Variants in GSDME observed in about 807,000 individuals in gnomAD.
GSDME encodes the protein gasdermin-E.
Under a neutral mutation model 47.5 loss-of-function variants are expected in GSDME, and 44 were observed. That is an observed-to-expected ratio of 0.93 (90% CI 0.73 to 1.19). The LOEUF (loss-of-function observed/expected upper bound fraction) is 1.19. GSDME is among the 50% of genes most tolerant of loss of function. GSDME has a pLI of 0.00. For synonymous variants in GSDME, 258 were observed against 252.8 expected (o/e 1.02, Z -0.20); for missense variants, 663 against 604.2 (o/e 1.10, Z -1.02).
At chr7:24,715,533 C>G (rs755357377) in intron 5 of GSDME, 1 of 470,320 alleles carries the variant, frequency 2.1e-6, no homozygotes, top group South Asian at 1.6e-5. Flanking sequence ...CACTGGCCAT[C>G]AGTAAGACTG....
intron 7 of GSDME, among the ~76,000 whole-genome samples, chr7:24,707,079 C>T (rs1400275596): frequency 1.3e-5 from 2 of 152,320 alleles, no homozygotes; most frequent in Middle Eastern, 3.4e-3. Flanking sequence ...AGCTCCCCAC[C>T]CTCTAGAATG....
In GSDME at chr7:24,739,752, A is replaced by T. The variant is rs1160121950; in HGVS notation, c.404+4810T>A. ...CTAATCCTCAATAGATGAATAAAGA[A>T]AATGTGGTAAATATACACGATAGAG... On this transcript the variant is annotated intron_variant, in intron 3 of 9. Coordinates refer to ENST00000645220, the MANE Select transcript of GSDME (RefSeq NM_001127453.2). The surrounding 1 kb of genome is among the most constrained non-coding windows in gnomAD (Gnocchi z 5.1). Among the ~76,000 whole-genome samples, 1 of 152,166 alleles carries T rather than the reference A, an allele frequency of 6.6e-6. No homozygotes were observed. Among genetic ancestry groups the T allele is most frequent in the East Asian group, 1.9e-4 (1 of 5,196 alleles).
At position 24,714,610 on chromosome 7, in the gene GSDME, AGAG is replaced by A. The variant is rs1789477025; in HGVS notation, c.697+2641_697+2643del. 6.6e-6 allele frequency among the ~76,000 whole-genome samples: 1 copy of A among 152,186 alleles called. No individual in the cohort carries two copies. On this transcript the variant is annotated intron_variant, in intron 5 of 9. Transcript: ENST00000645220. The surrounding 1 kb of genome is among the most constrained non-coding windows in gnomAD (Gnocchi z 5.0). ...AGGGTACCTCTTCTCAGCAGCACAAAGAGGAGTTTATTTTCAAAGACAGTGGAA... is the reference window on the plus strand; with the variant it reads ...AGGGTACCTCTTCTCAGCAGCACAAAGAGTTTATTTTCAAAGACAGTGGAA...
chr7:24,735,729 G>T lies in GSDME; in HGVS notation c.404+8833C>A, dbSNP rs948996259. On this transcript the variant is annotated intron_variant, in intron 3 of 9. Coordinates refer to ENST00000645220, the MANE Select transcript of GSDME (RefSeq NM_001127453.2). The surrounding 1 kb of genome is among the most constrained non-coding windows in gnomAD (Gnocchi z 4.4). ...GCCGAGATTGCACCACTGCACTCCA[G>T]CCTGGGTGACAACAGCAAAACTCTA... 6.6e-6 allele frequency among the ~76,000 whole-genome samples: 1 copy of T among 151,648 alleles called. No individual in the cohort carries two copies. Among genetic ancestry groups the T allele is most frequent in the African/African-American group, 2.4e-5 (1 of 41,220 alleles).
Position 24,698,633 on chromosome 7 carries a change from C to G in GSDME, c.*393G>C. On this transcript the variant is annotated 3_prime_UTR_variant, in exon 10 of 10. Coordinates refer to ENST00000645220, the MANE Select transcript of GSDME (RefSeq NM_001127453.2). ...TCTTGTGTGCAGAGAAATTGCCTTC[C>G]CACAGCATTCACAATGTAAAAAGAC... 3 of 294,808 alleles carry G rather than the reference C, an allele frequency of 1.0e-5. No individual in the cohort carries two copies. The highest frequency in any genetic ancestry group is 2.0e-5 in the Non-Finnish European group (3 of 152,874). The allele number at this position is 294,808 out of a possible 1,614,324, so 18.3% of individuals were successfully genotyped here.
chr7:24,775,061 G>A, the GSDME span, among the ~76,000 whole-genome samples: 1 of 152,060 alleles, frequency 6.6e-6, no homozygotes, highest in African/African-American at 2.4e-5. Context: ...CATACCTTTG[G>A]GGTGTCATAT....
chr7:24,746,273 G>A (rs553527977), intron 2 of GSDME, among the ~76,000 whole-genome samples: 16 of 152,150 alleles, frequency 1.1e-4, no homozygotes, highest in African/African-American at 3.6e-4. Context: ...CAAACATTTT[G>A]GGCAATGCCT....
At position 24,717,366 on chromosome 7, in the gene GSDME, C is replaced by T. The variant is rs763403898; in HGVS notation, c.585G>A (p.Ala195=). Residue 195 remains alanine (A), a synonymous_variant, in exon 5 of 10, where the codon GCG becomes GCA. Transcript: ENST00000645220. The part of the protein sequence containing the change: ...GIQTKTVQVS[A]TEDGNVTKDS... ...CCTTGGTGACATTCCCATCCTCCGT[C>T]GCTGACACCTGTGGGCAAAAGCGCA... is the stretch of plus-strand genomic sequence containing the variant. The T allele has an allele frequency of 2.2e-5, 35 of 1,614,056 alleles. No homozygotes were observed. Among genetic ancestry groups the T allele is most frequent in the Admixed American group, 3.3e-5 (2 of 60,010 alleles).
chr7:24,720,422 G>A (rs1789735262), intron 3 of GSDME, among the ~76,000 whole-genome samples: 1 of 152,126 alleles, frequency 6.6e-6, no homozygotes, highest in Non-Finnish European at 1.5e-5. Flanking sequence ...CCACACACAT[G>A]CTGGGTCACC....
chr7:24,788,691 G>C, the GSDME span, among the ~76,000 whole-genome samples: 1 of 152,192 alleles, frequency 6.6e-6, no homozygotes, highest in African/African-American at 2.4e-5. This position sits in a 1 kb window ranked among gnomAD's most constrained non-coding sequence, Gnocchi z 4.6. Context: ...CTAATGGCTT[G>C]GAACTTATGC....
intron 8 of GSDME, 125 bp downstream of exon 8, chr7:24,706,059 A>C: frequency 1.7e-6 from 2 of 1,209,328 alleles, no homozygotes; most frequent in Non-Finnish European, 2.4e-6. Flanking sequence ...CCTGTACCAG[A>C]AGGGAAGGAC....
chr7:24,744,572 A>C lies in GSDME; in HGVS notation c.394T>G (p.Ser132Ala). Residue 132 changes from serine (S) to alanine (A), a missense_variant, in exon 3 of 10, where the codon TCT becomes GCT. Coordinates refer to ENST00000645220, the MANE Select transcript of GSDME (RefSeq NM_001127453.2). This position sits in a 1 kb window ranked among gnomAD's most constrained non-coding sequence, Gnocchi z 4.5. ...EVDLQQLIRD[S>A]AERTINLRNP... The stretch of plus-strand genomic sequence containing the variant: ...AACAAGTCTCCTTACCTCTCGGCAG[A>C]GTCTCTGATGAGCTGCTGCAAATCC... 1 of 1,614,214 alleles carries C rather than the reference A, an allele frequency of 6.2e-7. No individual in the cohort carries two copies. The highest frequency in any genetic ancestry group is 1.3e-5 in the African/African-American group (1 of 75,058).
the GSDME span, among the ~76,000 whole-genome samples, chr7:24,766,663 A>G: frequency 1.3e-5 from 2 of 152,134 alleles, no homozygotes; most frequent in African/African-American, 2.4e-5. The surrounding 1 kb of genome is among the most constrained non-coding windows in gnomAD (Gnocchi z 4.2). Flanking sequence ...ATAGTATTCC[A>G]TGGTGTATAT....
chr7:24,759,145 A>G (rs76028838), upstream of GSDME, among the ~76,000 whole-genome samples: 5,963 of 152,314 alleles, frequency 0.039, 171 homozygotes, highest in Non-Finnish European at 0.059. Flanking sequence ...CAGCCCTGTC[A>G]AGAGACTTTT....
chr7:24,793,308 A>G, the GSDME span, among the ~76,000 whole-genome samples: 1 of 152,240 alleles, frequency 6.6e-6, no homozygotes, highest in Non-Finnish European at 1.5e-5. Context: ...TGGTGTTTTT[A>G]CTTTAATGTC....
At position 24,724,730 on chromosome 7, in the gene GSDME, C is replaced by G. The variant is rs1220318877; in HGVS notation, c.405-5512G>C. The stretch of plus-strand genomic sequence containing the variant: ...CAAAGACCTGGAGTCATCCCGGAAT[C>G]GGTTCCCTGCTCCAATGTGGTTTAA... On this transcript the variant is annotated intron_variant, in intron 3 of 9. Transcript: ENST00000645220. The surrounding 1 kb of genome is among the most constrained non-coding windows in gnomAD (Gnocchi z 4.8). 1 of 152,234 alleles carries G rather than the reference C, an allele frequency of 6.6e-6. No individual in the cohort carries two copies. Among genetic ancestry groups the G allele is most frequent in the African/African-American group, 2.4e-5 (1 of 41,430 alleles). 9.4% of individuals were successfully genotyped at this position (152,234 alleles called of 1,614,324 possible). A position where few individuals can be genotyped will look rare whatever the true frequency, so the allele number is the denominator to read the frequency against.
At chr7:24,715,718 G>A (rs1183810412) in intron 5 of GSDME, 11 of 314,664 alleles carry the variant, frequency 3.5e-5, no homozygotes, top group South Asian at 5.4e-5. Context: ...TAACGAAAAC[G>A]CCCCAGAGGA....
At chr7:24,719,810 G>C (rs1185731249) in intron 3 of GSDME, among the ~76,000 whole-genome samples, 3 of 151,666 alleles carry the variant, frequency 2.0e-5, no homozygotes, top group Non-Finnish European at 4.4e-5. Flanking sequence ...AAAAGGAAAA[G>C]AAAAGAAAAC....
At chr7:24,711,227 T>C (rs1004272090) in intron 5 of GSDME, among the ~76,000 whole-genome samples, 4 of 152,064 alleles carry the variant, frequency 2.6e-5, no homozygotes, top group African/African-American at 9.7e-5. Context: ...TTGTTTTTGG[T>C]TGTTTTGTTT....
Sources: gnomAD v4.1 joint callset for allele counts (sites outside exome capture counted in the v4.1 genomes callset) on GRCh38, gnomAD v4.1.1 for gene constraint, Gnocchi (gnomAD v3.1) non-coding constraint, MANE v1.5 for transcripts, NCBI Gene and HGNC (gene_info 2026-07-23, HGNC 2026-07-21) for gene names.